BTBD3: variants seen among roughly 807,000 people sequenced by gnomAD.
BTBD3 encodes the protein BTB domain containing 3.
BTBD3 carries 14 observed loss-of-function variants against 41.6 expected under a neutral mutation model. The observed-to-expected ratio is 0.34, with a 90% CI of 0.22 to 0.53. The LOEUF (loss-of-function observed/expected upper bound fraction) is 0.53, where lower values mean the gene tolerates loss of function less well. BTBD3 is among the 20% of genes least tolerant of loss of function. The pLI is 0.95. For synonymous variants in BTBD3, 249 were observed against 233.7 expected (o/e 1.07, Z -0.60); for missense variants, 426 against 654.7 (o/e 0.65, Z 3.81).
At chr20:11,916,432 T>C (rs1032954869), upstream of BTBD3, among the ~76,000 whole-genome samples, 2 of 152,226 alleles carry the variant, frequency 1.3e-5, no homozygotes, top group African/African-American at 4.8e-5. Flanking sequence ...TGTGTTCTGC[T>C]GTTGAGAACA....
At chr20:11,893,705 G>A (rs2056769841) in intron 1 of BTBD3, among the ~76,000 whole-genome samples, 1 of 152,042 alleles carries the variant, frequency 6.6e-6, no homozygotes. Context: ...AATATTTCCT[G>A]TTGGGAGACA....
At chr20:11,906,966 T>G (rs1470025739) in intron 1 of BTBD3, among the ~76,000 whole-genome samples, 1 of 152,192 alleles carries the variant, frequency 6.6e-6, no homozygotes, top group African/African-American at 2.4e-5. Flanking sequence ...TGTGACTGCT[T>G]TCCTCTTTTC....
rs945803072 is a variant in BTBD3 at position 11,924,539 on chromosome 20, C to G, written c.*873C>G. 2 of 152,620 alleles carry G rather than the reference C, an allele frequency of 1.3e-5. No homozygotes were observed. Among genetic ancestry groups the G allele is most frequent in the African/African-American group, 4.8e-5 (2 of 41,442 alleles). 9.5% of individuals were successfully genotyped at this position (152,620 alleles called of 1,614,324 possible). A position where few individuals can be genotyped will look rare whatever the true frequency, so the allele number is the denominator to read the frequency against. ...CAGTTTGAAAAAGCCAAACTCTTCT[C>G]TCCACTTAGCTTTTGATCCCCACTG... On this transcript the variant is annotated 3_prime_UTR_variant, in exon 4 of 4. Coordinates refer to ENST00000378226, the MANE Select transcript of BTBD3 (RefSeq NM_014962.4).
chr20:11,917,052 ATTTG>A (rs1306727363), upstream of BTBD3, among the ~76,000 whole-genome samples: 1 of 152,126 alleles, frequency 6.6e-6, no homozygotes, highest in Non-Finnish European at 1.5e-5. Flanking sequence ...TAGCCTTGTT[ATTTG>A]TTCTGTCTTA....
At chr20:11,890,896 C>A (rs536023485) in exon 1 of BTBD3, 3 of 984,902 alleles carry the variant, frequency 3.0e-6, no homozygotes, top group Non-Finnish European at 3.6e-6. Flanking sequence ...GCCTGAGGAG[C>A]GGGCACAGGG....
chr20:11,905,635 C>T (rs965460327), intron 1 of BTBD3, among the ~76,000 whole-genome samples: 1 of 152,212 alleles, frequency 6.6e-6, no homozygotes, highest in Non-Finnish European at 1.5e-5. Flanking sequence ...AGTAAGGTGA[C>T]TTTACTGCTC....
At chr20:11,894,205 C>T (rs1274794998) in intron 1 of BTBD3, among the ~76,000 whole-genome samples, 1 of 152,192 alleles carries the variant, frequency 6.6e-6, no homozygotes, top group Non-Finnish European at 1.5e-5. Context: ...GACCAAATGA[C>T]GTAGGCTCAG....
chr20:11,891,968 A>G (rs2056757327), intron 1 of BTBD3, among the ~76,000 whole-genome samples: 1 of 152,154 alleles, frequency 6.6e-6, no homozygotes, highest in African/African-American at 2.4e-5. Context: ...CAATTAACAC[A>G]GTGTATTTTT....
intron 1 of BTBD3, among the ~76,000 whole-genome samples, chr20:11,903,172 C>T (rs767408227): frequency 2.0e-5 from 3 of 152,006 alleles, no homozygotes; most frequent in South Asian, 4.2e-4. Context: ...AGGAAGATTT[C>T]GATATTTTAT....
At chr20:11,909,164 T>A (rs2056874565) in intron 1 of BTBD3, among the ~76,000 whole-genome samples, 1 of 151,798 alleles carries the variant, frequency 6.6e-6, no homozygotes, top group Admixed American at 6.6e-5. Context: ...ATCTCAGGTA[T>A]TTGGGAAGTT....
At chr20:11,891,065 C>G (rs2056748562) in intron 1 of BTBD3, 1 of 753,040 alleles carries the variant, frequency 1.3e-6, no homozygotes, top group African/African-American at 1.9e-5. Flanking sequence ...CCGAGCGAAG[C>G]GAGGAGAGGC....
rs776961484 is a variant in BTBD3 at position 11,918,038 on chromosome 20, G to C, written c.-238G>C. On this transcript the variant is annotated 5_prime_UTR_variant, in exon 1 of 4. An upstream start codon of the reference 5' UTR is lost. Transcript: ENST00000378226. ...TGATCTAGGAAACAGTTATTTTTAT[G>C]AGCAAATAAGAGAAACAGGAATCAT... 102 of 1,251,278 alleles carry C rather than the reference G, an allele frequency of 8.2e-5. No individual in the cohort carries two copies. The highest frequency in any genetic ancestry group is 9.6e-5 in the Non-Finnish European group (96 of 999,442). 77.5% of individuals were successfully genotyped at this position (1,251,278 alleles called of 1,614,324 possible). A position where few individuals can be genotyped will look rare whatever the true frequency, so the allele number is the denominator to read the frequency against.
At chr20:11,913,017 A>C (rs2056898460), upstream of BTBD3, among the ~76,000 whole-genome samples, 1 of 152,232 alleles carries the variant, frequency 6.6e-6, no homozygotes, top group Admixed American at 6.5e-5. Flanking sequence ...TGAAGGGACA[A>C]ATAAGCAAAA....
chr20:11,902,063 C>T (rs923047480), intron 1 of BTBD3, among the ~76,000 whole-genome samples: 4 of 152,028 alleles, frequency 2.6e-5, no homozygotes, highest in Non-Finnish European at 5.9e-5. Flanking sequence ...CCTCCCACCC[C>T]GCACAGTTGA....
At chr20:11,904,399 T>C (rs2056841399) in intron 1 of BTBD3, among the ~76,000 whole-genome samples, 1 of 152,114 alleles carries the variant, frequency 6.6e-6, no homozygotes, top group Non-Finnish European at 1.5e-5. Flanking sequence ...TCCAGTCACC[T>C]CCCACCAGGT....
rs2057011161 is a variant in BTBD3 at position 11,925,488 on chromosome 20, A to G, written c.*1822A>G. ...CCTACATCTATTAGCATAGATGATGAAAAGCTGTTACTGGTGATTATAGAT... is the reference window on the plus strand; with the variant it reads ...CCTACATCTATTAGCATAGATGATGGAAAGCTGTTACTGGTGATTATAGAT... On this transcript the variant is annotated 3_prime_UTR_variant, in exon 4 of 4. Transcript: ENST00000378226. 1 of 152,686 alleles carries G rather than the reference A, an allele frequency of 6.5e-6. No homozygotes were observed. Among genetic ancestry groups the G allele is most frequent in the African/African-American group, 2.4e-5 (1 of 41,460 alleles). 9.5% of individuals were successfully genotyped at this position (152,686 alleles called of 1,614,324 possible). A position where few individuals can be genotyped will look rare whatever the true frequency, so the allele number is the denominator to read the frequency against.
rs1600246070 is a variant in BTBD3 at position 11,919,985 on chromosome 20, G to T, written c.536+149G>T. 5.7e-6 allele frequency: 4 copies of T among 702,930 alleles called. No individual in the cohort carries two copies. The East Asian group carries it at 1.0e-4, about 18-fold the overall frequency. The allele number at this position is 702,930 out of a possible 1,614,324, so 43.5% of individuals were successfully genotyped here. On this transcript the variant is annotated intron_variant, in intron 3 of 3. Coordinates refer to ENST00000378226, the MANE Select transcript of BTBD3 (RefSeq NM_014962.4). ...TTACCTTGTAAATGTTTTCGGAAAA[G>T]AACACTTTAGCTTTCCGTGGAAAGC...
chr20:11,911,834 A>G (rs902726165), intron 1 of BTBD3, among the ~76,000 whole-genome samples: 1 of 152,174 alleles, frequency 6.6e-6, no homozygotes, highest in African/African-American at 2.4e-5. Context: ...CACTTAATGT[A>G]TGGAAGAGAA....
chr20:11,899,452 G>T (rs1434103664), intron 1 of BTBD3, among the ~76,000 whole-genome samples: 1 of 152,074 alleles, frequency 6.6e-6, no homozygotes, highest in African/African-American at 2.4e-5. Context: ...ACAAATCTGA[G>T]AAGTGGATGA....
Sources: gnomAD v4.1 joint callset for allele counts (sites outside exome capture counted in the v4.1 genomes callset) on GRCh38, gnomAD v4.1.1 for gene constraint, MANE v1.5 for transcripts, NCBI Gene and HGNC (gene_info 2026-07-23, HGNC 2026-07-21) for gene names.